Variants in GALNT11 observed in about 807,000 individuals in gnomAD.
The protein encoded by GALNT11 is UDP-GalNAc:polypeptide N-acetylgalactosaminyltransferase 11.
GALNT11 carries 47 observed loss-of-function variants against 72.7 expected under a neutral mutation model. The observed-to-expected ratio is 0.65, with a 90% CI of 0.51 to 0.82. The LOEUF is 0.82. Among genes scored for constraint, GALNT11 ranks in the 40% least tolerant of loss-of-function variants. The pLI, the probability that GALNT11 is intolerant of heterozygous loss-of-function variation, is 0.00. For missense variants in GALNT11, 677 were observed against 778.4 expected (o/e 0.87, Z 1.55); for synonymous variants, 270 against 286.6 (o/e 0.94, Z 0.58).
rs111491672 is a variant in GALNT11 at position 152,116,976 on chromosome 7, G to A, written c.1234-181G>A. The stretch of plus-strand genomic sequence containing the variant: ...AAGAACATCGATGACTGAGACTCAC[G>A]AGTTTGAGACCCACTGATCTCATAT... On this transcript the variant is annotated intron_variant, in intron 8 of 11. Transcript: ENST00000430044. 969 of 703,198 alleles carry A rather than the reference G, an allele frequency of 1.4e-3. 2 individuals are homozygous for A. Among genetic ancestry groups the A allele is most frequent in the African/African-American group, 9.8e-3 (563 of 57,376 alleles). The allele number at this position is 703,198 out of a possible 1,614,324, so 43.6% of individuals were successfully genotyped here.
At chr7:152,072,421 GAACT>G (rs1176377774) in intron 1 of GALNT11, among the ~76,000 whole-genome samples, 2 of 151,822 alleles carry the variant, frequency 1.3e-5, no homozygotes, top group African/African-American at 2.4e-5. Flanking sequence ...TCTTTTCTCA[GAACT>G]AACTTTCTTC....
intron 1 of GALNT11, among the ~76,000 whole-genome samples, chr7:152,077,387 C>A (rs941062566): frequency 3.9e-5 from 6 of 152,186 alleles, no homozygotes; most frequent in African/African-American, 1.2e-4. Flanking sequence ...TCTGGAAGAG[C>A]AGGTGAGAGG....
chr7:152,105,366 G>C lies in GALNT11; in HGVS notation c.708G>C (p.Ala236=). The part of the protein sequence containing the change: ...IRGRMIGAAH[A]TGEVLVFLDS... ...GGAGAATGATTGGCGCGGCCCACGC[G>C]ACAGGTATCACTTCTCGTTAGCTTT... The change falls in exon 5 of 12, where the codon GCG becomes GCC. Residue 236 remains alanine, a synonymous_variant. Coordinates refer to ENST00000430044, the MANE Select transcript of GALNT11 (RefSeq NM_022087.4). 1 of 1,612,438 alleles carries C rather than the reference G, an allele frequency of 6.2e-7. No individual in the cohort carries two copies. Among genetic ancestry groups the C allele is most frequent in the Non-Finnish European group, 8.5e-7 (1 of 1,179,310 alleles).
At chr7:152,081,904 T>A (rs2085346631) in intron 1 of GALNT11, among the ~76,000 whole-genome samples, 1 of 152,216 alleles carries the variant, frequency 6.6e-6, no homozygotes, top group Non-Finnish European at 1.5e-5. Flanking sequence ...TAATCTGTAA[T>A]TAGCAACTAA....
intron 8 of GALNT11, among the ~76,000 whole-genome samples, chr7:152,116,656 T>C (rs944507347): frequency 2.7e-4 from 41 of 152,204 alleles, no homozygotes; most frequent in African/African-American, 9.9e-4. Context: ...CCCATAATTA[T>C]ATATAGGTTG....
chr7:152,083,141 T>C (rs538637495), intron 1 of GALNT11, among the ~76,000 whole-genome samples: 15 of 152,346 alleles, frequency 9.8e-5, no homozygotes, highest in Non-Finnish European at 2.2e-4. Context: ...CTTTTTACTT[T>C]TCTTTTGGTG....
chr7:152,062,582 G>C (rs1236930077), intron 1 of GALNT11, among the ~76,000 whole-genome samples: 1 of 152,168 alleles, frequency 6.6e-6, no homozygotes, highest in African/African-American at 2.4e-5. Flanking sequence ...TGCCCATTCA[G>C]TATGATATTG....
chr7:152,072,005 G>A (rs2084677385), intron 1 of GALNT11, among the ~76,000 whole-genome samples: 1 of 119,100 alleles, frequency 8.4e-6, no homozygotes, highest in African/African-American at 3.5e-5. Context: ...GCAAAACTCT[G>A]TCTCAAAAAA....
chr7:152,025,788 CG>C lies in GALNT11; in HGVS notation c.-134del. 1 of 195,476 alleles carries C rather than the reference CG, an allele frequency of 5.1e-6. No homozygotes were observed. Among genetic ancestry groups the C allele is most frequent in the South Asian group, 5.4e-5 (1 of 18,356 alleles). The allele number at this position is 195,476 out of a possible 1,614,324, so 12.1% of individuals were successfully genotyped here. The stretch of plus-strand genomic sequence containing the variant: ...TGCTGGGCCCCGGGGCAGTTCAGCC[CG>C]CGCCGCTCCTGCGGGTCGGACTGGG... On this transcript the variant is annotated 5_prime_UTR_variant, in exon 1 of 12. Coordinates refer to ENST00000430044, the MANE Select transcript of GALNT11 (RefSeq NM_022087.4).
At chr7:152,071,162 A>G (rs1172809680) in intron 1 of GALNT11, among the ~76,000 whole-genome samples, 1 of 152,244 alleles carries the variant, frequency 6.6e-6, no homozygotes, top group Non-Finnish European at 1.5e-5. Context: ...GGGTTTTAAG[A>G]TCAACCAGTC....
At position 152,100,789 on chromosome 7, in the gene GALNT11, C is replaced by G. The variant is rs1563071851; in HGVS notation, c.296-9C>G. ...ATTTAATTCGCTGACTAACTTCACT[C>G]TTTTGCAGGTATGATTTTTAATGAA... On this transcript the variant is annotated splice_polypyrimidine_tract_variant and intron_variant, in intron 2 of 11. Coordinates refer to ENST00000430044, the MANE Select transcript of GALNT11 (RefSeq NM_022087.4). The G allele has an allele frequency of 6.2e-7, 1 of 1,613,052 alleles. No individual in the cohort carries two copies. The highest frequency in any genetic ancestry group is 8.5e-7 in the Non-Finnish European group (1 of 1,179,668).
At chr7:152,067,014 A>G (rs1241067841) in intron 1 of GALNT11, among the ~76,000 whole-genome samples, 1 of 152,238 alleles carries the variant, frequency 6.6e-6, no homozygotes. Context: ...ACAACCCTTC[A>G]ATTTGTAAAA....
rs777609373 is a variant in GALNT11, at chr7:152,108,137, G to T, written c.812G>T (p.Cys271Phe). The T allele has an allele frequency of 2.5e-6, 4 of 1,614,148 alleles. No homozygotes were observed. The highest frequency in any genetic ancestry group is 3.4e-6 in the Non-Finnish European group (4 of 1,180,042). The change falls in exon 6 of 12, where the codon TGC becomes TTC. Residue 271 changes from cysteine (C) to phenylalanine (F), a missense_variant. Coordinates refer to ENST00000430044, the MANE Select transcript of GALNT11 (RefSeq NM_022087.4). ...CGTGAGGACCGGCACACCGTGGTGT[G>T]CCCAGTGATTGACATCATCAGCGCC... ...AIREDRHTVV[C>F]PVIDIISADT...
rs767722499 is a variant in GALNT11 at position 152,103,250 on chromosome 7, C to T, written c.558C>T (p.Ile186=). 4 of 1,613,572 alleles carry T rather than the reference C, an allele frequency of 2.5e-6. No individual in the cohort carries two copies. The Admixed American group carries it at 5.0e-5, about 20-fold the overall frequency. The change falls in exon 4 of 12, where the codon ATC becomes ATT. Residue 186 remains isoleucine, a synonymous_variant. Transcript: ENST00000430044. ...CGCCAGCACACCTGCTTCATGAGAT[C>T]ATCCTTGTGGATGATGATAGTGACT... The part of the protein sequence containing the change: ...DRTPAHLLHE[I]ILVDDDSDFD...
intron 1 of GALNT11, among the ~76,000 whole-genome samples, chr7:152,073,001 A>G (rs1380677323): frequency 6.6e-6 from 1 of 152,230 alleles, no homozygotes; most frequent in Non-Finnish European, 1.5e-5. Flanking sequence ...TAGAGTTTAC[A>G]ATATACATTT....
intron 1 of GALNT11, among the ~76,000 whole-genome samples, chr7:152,065,576 C>T (rs2084262133): frequency 1.3e-5 from 2 of 152,172 alleles, no homozygotes; most frequent in South Asian, 2.1e-4. Flanking sequence ...GTGGTTTTAT[C>T]TACCTATGGT....
At chr7:152,095,482 A>T (rs1452819506) in intron 2 of GALNT11, among the ~76,000 whole-genome samples, 2 of 152,200 alleles carry the variant, frequency 1.3e-5, no homozygotes, top group African/African-American at 4.8e-5. Context: ...AAAGAAATAA[A>T]ATCAGTTCTT....
intron 1 of GALNT11, among the ~76,000 whole-genome samples, chr7:152,071,191 C>T (rs1472857933): frequency 1.3e-5 from 2 of 152,210 alleles, no homozygotes; most frequent in Admixed American, 6.5e-5. Flanking sequence ...ATTTATTAGG[C>T]AGGAATTTCC....
chr7:152,105,248 A>T lies in GALNT11; in HGVS notation c.590A>T (p.Asp197Val), dbSNP rs2087406082. 2 of 1,612,760 alleles carry T rather than the reference A, an allele frequency of 1.2e-6. No individual in the cohort carries two copies. The highest frequency in any genetic ancestry group is 1.7e-6 in the Non-Finnish European group (2 of 1,179,528). Residue 197 changes from aspartate to valine, a missense_variant, in exon 5 of 12, where the codon GAT (aspartate) becomes GTT (valine). Transcript: ENST00000430044. Reference sequence around the variant, plus strand: ...AATTGTGGGACTTTATTTTCAGATGATTTGAAAGGAGAACTAGATGAATAT... The same window carrying T: ...AATTGTGGGACTTTATTTTCAGATGTTTTGAAAGGAGAACTAGATGAATAT... The part of the protein sequence containing the change: ...ILVDDDSDFD[D>V]LKGELDEYVQ...
Sources: allele counts gnomAD v4.1 joint callset (sites outside exome capture counted in the v4.1 genomes callset), GRCh38; gene constraint gnomAD v4.1.1; transcripts MANE v1.5; gene names NCBI Gene and HGNC (gene_info 2026-07-23, HGNC 2026-07-21).